Variants in CNTN5 observed in about 807,000 individuals in gnomAD.
CNTN5 encodes the protein contactin-5.
In CNTN5, 77 loss-of-function variants were observed where a neutral mutation model predicts 129.1. The ratio of observed to expected loss-of-function variants is 0.60; its 90% CI spans 0.50 to 0.72. The LOEUF (loss-of-function observed/expected upper bound fraction) is 0.72, where lower values mean the gene tolerates loss of function less well. Ranked by LOEUF, CNTN5 falls within the 30% of genes least tolerant of loss-of-function variation. The pLI, the probability that CNTN5 is intolerant of heterozygous loss-of-function variation, is 0.00. For synonymous variants in CNTN5, 509 were observed against 465.6 expected (o/e 1.09, Z -1.20); for missense variants, 1,478 against 1,328.8 (o/e 1.11, Z -1.75).
chr11:99,349,390 G>A (rs1392703106), intron 2 of CNTN5, among the ~76,000 whole-genome samples: 1 of 152,086 alleles, frequency 6.6e-6, no homozygotes, highest in Non-Finnish European at 1.5e-5. Flanking sequence ...CTACCCTTAA[G>A]TGAACTGCTG....
At chr11:100,238,168 A>C (rs938231742) in intron 16 of CNTN5, among the ~76,000 whole-genome samples, 1 of 152,186 alleles carries the variant, frequency 6.6e-6, no homozygotes, top group Non-Finnish European at 1.5e-5. Context: ...TTGGATTACC[A>C]GAACATTTAG....
At chr11:100,313,287 G>A (rs1405679374) in intron 21 of CNTN5, among the ~76,000 whole-genome samples, 2 of 151,986 alleles carry the variant, frequency 1.3e-5, no homozygotes, top group South Asian at 2.1e-4. Flanking sequence ...AGCAAGAAAT[G>A]ATGGTGACCT....
intron 1 of CNTN5, among the ~76,000 whole-genome samples, chr11:99,274,278 G>A (rs930400996): frequency 2.0e-5 from 3 of 151,624 alleles, no homozygotes; most frequent in Admixed American, 6.6e-5. Context: ...ATGATATCGT[G>A]GTGACAGAAG....
chr11:99,081,664 T>G lies in CNTN5; in HGVS notation c.-210+60394T>G, dbSNP rs573874306. Among the ~76,000 whole-genome samples the G allele has an allele frequency of 1.8e-4, 27 of 152,310 alleles. No homozygotes were observed. The South Asian group carries it at 4.1e-3, about 23-fold the overall frequency. On this transcript the variant is annotated intron_variant, in intron 1 of 24. Transcript: ENST00000524871. ...AGTCTCTTTCCAGTTATTTTCAAAT[T>G]ATTACGTTTCTATAAATCAGGTTTC... is the stretch of plus-strand genomic sequence containing the variant.
rs1938987115 is a variant in CNTN5, at chr11:99,359,952, C to T, written c.-71+34468C>T. On this transcript the variant is annotated intron_variant, in intron 2 of 24. Coordinates refer to ENST00000524871, the MANE Select transcript of CNTN5 (RefSeq NM_014361.4). ...ATCAAAGTACATGAGGGGATGGATTCCTCATTTGCCCTGATGTGATTATTA... is the reference window on the plus strand; with the variant it reads ...ATCAAAGTACATGAGGGGATGGATTTCTCATTTGCCCTGATGTGATTATTA... Among the ~76,000 whole-genome samples the T allele has an allele frequency of 3.3e-5, 5 of 152,138 alleles. No individual in the cohort carries two copies. The South Asian group carries it at 1.0e-3, about 32-fold the overall frequency.
At chr11:100,083,562 C>T (rs970331655) in intron 13 of CNTN5, among the ~76,000 whole-genome samples, 3 of 152,082 alleles carry the variant, frequency 2.0e-5, no homozygotes, top group African/African-American at 7.2e-5. Context: ...TAAGCTTGGT[C>T]TCTTTAAGAG....
At chr11:99,528,403 T>C (rs1288465607) in intron 2 of CNTN5, among the ~76,000 whole-genome samples, 2 of 152,198 alleles carry the variant, frequency 1.3e-5, no homozygotes, top group Admixed American at 6.5e-5. Context: ...GCAAAATCTA[T>C]AAATGCATAT....
At chr11:99,458,880 G>A (rs1944588420) in intron 2 of CNTN5, among the ~76,000 whole-genome samples, 2 of 151,996 alleles carry the variant, frequency 1.3e-5, no homozygotes, top group Non-Finnish European at 2.9e-5. Context: ...AGAACCTTAT[G>A]TACTGTAAGA....
chr11:100,184,981 T>C (rs1273806816), intron 13 of CNTN5, among the ~76,000 whole-genome samples: 1 of 150,496 alleles, frequency 6.6e-6, no homozygotes, highest in East Asian at 2.0e-4. Context: ...ACTGATGGTT[T>C]TATATGGGGC....
chr11:99,342,117 T>G (rs1866539089), intron 2 of CNTN5, among the ~76,000 whole-genome samples: 1 of 152,188 alleles, frequency 6.6e-6, no homozygotes, highest in Non-Finnish European at 1.5e-5. Context: ...AAAATAGTGT[T>G]AGTCTCAGAA....
intron 4 of CNTN5, among the ~76,000 whole-genome samples, chr11:99,832,699 A>G (rs1319793402): frequency 6.6e-6 from 1 of 152,206 alleles, no homozygotes; most frequent in East Asian, 1.9e-4. Context: ...TCATCATAAA[A>G]TATAATTTCT....
At chr11:100,074,107 T>C in intron 12 of CNTN5, 37 bp from the exon 13 acceptor site, 1 of 1,583,970 alleles carries the variant, frequency 6.3e-7, no homozygotes, top group Non-Finnish European at 8.6e-7. Flanking sequence ...TTATTGTCAT[T>C]GCTTCTGGTA....
intron 2 of CNTN5, among the ~76,000 whole-genome samples, chr11:99,523,644 TAGAATAGAACAGAACAGATCAGAA>T (rs1947360892): frequency 4.9e-5 from 4 of 82,044 alleles, no homozygotes; most frequent in Middle Eastern, 0.011. Context: ...TAGAATAGAA[TAGAATAGAACAGAACAGATCAGAA>T]CAGAACAGAA....
At chr11:100,003,747 A>G (rs1940022420) in intron 9 of CNTN5, 1 of 152,152 alleles carries the variant, frequency 6.6e-6, no homozygotes, top group South Asian at 2.1e-4. Context: ...TGTTCTTTTA[A>G]TATGTTATTT....
At chr11:99,220,717 A>G (rs960150679) in intron 1 of CNTN5, among the ~76,000 whole-genome samples, 1 of 151,978 alleles carries the variant, frequency 6.6e-6, no homozygotes, top group Non-Finnish European at 1.5e-5. Context: ...CACAAATCAA[A>G]AGGTCTGACT....
At chr11:99,967,132 T>C (rs187216460) in intron 8 of CNTN5, among the ~76,000 whole-genome samples, 11 of 152,220 alleles carry the variant, frequency 7.2e-5, no homozygotes, top group Admixed American at 6.5e-4. Flanking sequence ...CAAGTACAAG[T>C]ATAGAATACA....
At chr11:99,043,917 T>C (rs981974192) in intron 1 of CNTN5, among the ~76,000 whole-genome samples, 6 of 152,202 alleles carry the variant, frequency 3.9e-5, no homozygotes, top group Admixed American at 3.9e-4. Context: ...GGATGTTCGA[T>C]GTTAAATGAG....
chr11:100,055,107 G>C (rs936651010), intron 9 of CNTN5, among the ~76,000 whole-genome samples: 1 of 149,068 alleles, frequency 6.7e-6, no homozygotes, highest in African/African-American at 2.5e-5. Flanking sequence ...AAAGAGATGA[G>C]GTTTCCAGCC....
At chr11:99,111,133 A>G (rs1857775425) in intron 1 of CNTN5, among the ~76,000 whole-genome samples, 1 of 152,172 alleles carries the variant, frequency 6.6e-6, no homozygotes, top group Non-Finnish European at 1.5e-5. Flanking sequence ...TTAAGATGCT[A>G]TTAAAATATT....
Sources: allele counts gnomAD v4.1 joint callset (sites outside exome capture counted in the v4.1 genomes callset), GRCh38; gene constraint gnomAD v4.1.1; transcripts MANE v1.5; gene names NCBI Gene and HGNC (gene_info 2026-07-23, HGNC 2026-07-21).